Variants in TMEM131L observed in about 807,000 individuals in gnomAD.
The protein encoded by TMEM131L is transmembrane 131 like, also known as transmembrane protein 131-like.
Under a neutral mutation model 192.2 loss-of-function variants are expected in TMEM131L, and 54 were observed. The observed-to-expected ratio is 0.28, with a 90% CI of 0.23 to 0.35. The LOEUF (loss-of-function observed/expected upper bound fraction) is 0.35, where lower values mean the gene tolerates loss of function less well. TMEM131L is among the 10% of genes least tolerant of loss of function. The probability of loss-of-function intolerance (pLI) is 1.00; values close to 1 mark genes in which losing one functional copy is unlikely to be tolerated. For synonymous variants in TMEM131L, 701 were observed against 704.9 expected (o/e 0.99, Z 0.09); for missense variants, 1,888 against 1,972.9 (o/e 0.96, Z 0.82).
At chr4:153,606,979 A>G (rs956949014) in intron 25 of TMEM131L, among the ~76,000 whole-genome samples, 4 of 152,274 alleles carry the variant, frequency 2.6e-5, no homozygotes, top group African/African-American at 9.6e-5. Context: ...TTATGTTCAC[A>G]GCACTGTCCT....
chr4:153,471,981 T>C (rs1309703052), intron 2 of TMEM131L, among the ~76,000 whole-genome samples: 1 of 152,224 alleles, frequency 6.6e-6, no homozygotes, highest in African/African-American at 2.4e-5. Context: ...TACTGTGTTA[T>C]GTAATAGCAT....
At chr4:153,598,759 CAG>C (rs757773352) in intron 21 of TMEM131L, 27 bp downstream of exon 21, 25 of 1,517,356 alleles carry the variant, frequency 1.6e-5, no homozygotes, top group South Asian at 1.2e-4. Flanking sequence ...GGCACTCTGA[CAG>C]GGGAGGTTGG....
At chr4:153,577,375 A>C (rs1730023312) in intron 7 of TMEM131L, among the ~76,000 whole-genome samples, 2 of 152,176 alleles carry the variant, frequency 1.3e-5, no homozygotes, top group Non-Finnish European at 2.9e-5. Context: ...AATGGAGTGG[A>C]AAGGGCAGAG....
At position 153,627,671 on chromosome 4, in the gene TMEM131L, T is replaced by A; in HGVS notation, c.4191T>A (p.Gly1397=). The A allele has an allele frequency of 6.2e-7, 1 of 1,613,342 alleles. No individual in the cohort carries two copies. The highest frequency in any genetic ancestry group is 8.5e-7 in the Non-Finnish European group (1 of 1,179,504). ...SCPSLPAGPT[G]VEEDKGLYSP... The stretch of plus-strand genomic sequence containing the variant: ...CCAGCCTTCCTGCCGGGCCCACAGG[T>A]GTTGAAGAAGATAAAGGTGAGATGC... Residue 1397 remains glycine, a synonymous_variant, in exon 31 of 35, where the codon GGT becomes GGA. Transcript: ENST00000409959.
At chr4:153,490,192 T>A (rs1168152023) in intron 3 of TMEM131L, among the ~76,000 whole-genome samples, 1 of 152,242 alleles carries the variant, frequency 6.6e-6, no homozygotes, top group Non-Finnish European at 1.5e-5. Context: ...TTAACAGGTC[T>A]ACTTTCAGGT....
intron 18 of TMEM131L, 103 bp from the exon 19 acceptor site, chr4:153,593,696 G>T: frequency 1.3e-6 from 1 of 756,032 alleles, no homozygotes. Context: ...GTGTGCAAAT[G>T]TACTCACCTA....
chr4:153,586,417 T>G (rs758371753), intron 14 of TMEM131L, 38 bp downstream of exon 14: 14 of 1,448,056 alleles, frequency 9.7e-6, no homozygotes, highest in Non-Finnish European at 1.2e-5. Context: ...TACAGTTTTC[T>G]TAATTACTGT....
intron 3 of TMEM131L, among the ~76,000 whole-genome samples, chr4:153,508,283 T>G (rs985454154): frequency 6.6e-6 from 1 of 152,238 alleles, no homozygotes; most frequent in Non-Finnish European, 1.5e-5. Flanking sequence ...ATGCGTATAA[T>G]ATTTTTATAG....
intron 3 of TMEM131L, among the ~76,000 whole-genome samples, chr4:153,506,150 A>T (rs1733969181): frequency 6.6e-6 from 1 of 152,242 alleles, no homozygotes; most frequent in South Asian, 2.1e-4. Flanking sequence ...ACCTGAATCT[A>T]CATATTGGAA....
Position 153,621,845 on chromosome 4 carries a change from G to C in TMEM131L, c.3855G>C (p.Glu1285Asp), listed in dbSNP as rs921841296. ...GCAGTTTACCTGCTGCCCAGAGAGA[G>C]GCAGGTATGTAATGATACTGAGCTA... Reference protein sequence around the residue: ...IASSLPAAQREAEGYYQKPEK... With the variant: ...IASSLPAAQRDAEGYYQKPEK... The change falls in exon 28 of 35, where the codon GAG becomes GAC. Residue 1285 changes from glutamate (E) to aspartate (D), a missense_variant. By Grantham distance (45) the Glu-to-Asp change is conservative. Coordinates refer to ENST00000409959, the MANE Select transcript of TMEM131L (RefSeq NM_001131007.2). The C allele has an allele frequency of 6.2e-7, 1 of 1,613,918 alleles. No individual in the cohort carries two copies. Among genetic ancestry groups the C allele is most frequent in the Non-Finnish European group, 8.5e-7 (1 of 1,179,884 alleles).
chr4:153,624,118 T>C (rs59569141), intron 29 of TMEM131L, among the ~76,000 whole-genome samples: 8,906 of 149,696 alleles, frequency 0.059, 758 homozygotes, highest in African/African-American at 0.19. Flanking sequence ...TTTTTTTTTT[T>C]TAATTATTTA....
Position 153,580,904 on chromosome 4 carries a change from G to A in TMEM131L, c.738+1G>A, listed in dbSNP as rs777847426. On this transcript the variant is annotated splice_donor_variant, in intron 8 of 34. Transcript: ENST00000409959. LOFTEE classifies it high-confidence loss of function. Reference sequence around the variant, plus strand: ...TAATAAAGTGTGTCAGCAATTAAAGGTAAAATAAAATGTGTAGTGTTTTCT... The same window carrying A: ...TAATAAAGTGTGTCAGCAATTAAAGATAAAATAAAATGTGTAGTGTTTTCT... 1.3e-6 allele frequency: 2 copies of A among 1,590,788 alleles called. No individual in the cohort carries two copies.
At chr4:153,480,723 A>T in intron 3 of TMEM131L, among the ~76,000 whole-genome samples, 1 of 152,140 alleles carries the variant, frequency 6.6e-6, no homozygotes, top group Non-Finnish European at 1.5e-5. Flanking sequence ...AGCAGTGTAT[A>T]TATTTGTTGC....
intron 3 of TMEM131L, among the ~76,000 whole-genome samples, chr4:153,486,270 C>T (rs550085139): frequency 6.6e-6 from 1 of 152,322 alleles, no homozygotes; most frequent in East Asian, 1.9e-4. Flanking sequence ...GGATTATCCA[C>T]AGATATTCAG....
At position 153,583,201 on chromosome 4, in the gene TMEM131L, G is replaced by A. The variant is rs750483232; in HGVS notation, c.904G>A (p.Val302Ile). 2 of 1,446,080 alleles carry A rather than the reference G, an allele frequency of 1.4e-6. No individual in the cohort carries two copies. The highest frequency in any genetic ancestry group is 1.4e-5 in the African/African-American group (1 of 71,522). 89.6% of individuals were successfully genotyped at this position (1,446,080 alleles called of 1,614,324 possible). A position where few individuals can be genotyped will look rare whatever the true frequency, so the allele number is the denominator to read the frequency against. The stretch of plus-strand genomic sequence containing the variant: ...ATTCTTTTGGACAGATGATTCAGCA[G>A]TAAATATGTATATATTACATTCAGG... ...DESETSDDSA[V>I]NMYILHSGNS... Residue 302 changes from valine (V) to isoleucine (I), a missense_variant, in exon 10 of 35, where the codon GTA becomes ATA. Coordinates refer to ENST00000409959, the MANE Select transcript of TMEM131L (RefSeq NM_001131007.2).
chr4:153,602,189 G>T lies in TMEM131L; in HGVS notation c.2304G>T (p.Lys768Asn). ...GTAAGCAAATTTTATCTATTACAAA[G>T]AACTTTAAAGTTGAGAATATTGGAC... ...KDSKQILSIT[K>N]NFKVENIGPL... Residue 768 changes from lysine (K) to asparagine (N), a missense_variant, in exon 22 of 35, where the codon AAG (lysine) becomes AAT (asparagine). Coordinates refer to ENST00000409959, the MANE Select transcript of TMEM131L (RefSeq NM_001131007.2). 1 of 1,606,712 alleles carries T rather than the reference G, an allele frequency of 6.2e-7. No individual in the cohort carries two copies. The highest frequency in any genetic ancestry group is 8.5e-7 in the Non-Finnish European group (1 of 1,176,896).
At chr4:153,537,320 A>G (rs1736410487) in intron 3 of TMEM131L, among the ~76,000 whole-genome samples, 1 of 105,942 alleles carries the variant, frequency 9.4e-6, no homozygotes, top group East Asian at 2.3e-4. Context: ...CTAGACCCCA[A>G]GAGAGAGTTC....
At chr4:153,625,144 G>A (rs1429927030) in intron 29 of TMEM131L, among the ~76,000 whole-genome samples, 1 of 152,168 alleles carries the variant, frequency 6.6e-6, no homozygotes, top group African/African-American at 2.4e-5. Context: ...GGGCGCAGTG[G>A]CTCACACCTG....
chr4:153,623,729 A>G (rs192933595), intron 29 of TMEM131L, among the ~76,000 whole-genome samples: 11 of 152,300 alleles, frequency 7.2e-5, no homozygotes, highest in Non-Finnish European at 1.6e-4. Flanking sequence ...GTATGTGCAG[A>G]CACTTGGATG....
Sources: allele counts gnomAD v4.1 joint callset (sites outside exome capture counted in the v4.1 genomes callset), GRCh38; gene constraint gnomAD v4.1.1; transcripts MANE v1.5; gene names NCBI Gene and HGNC (gene_info 2026-07-23, HGNC 2026-07-21).